Variants in MAP2K5 observed in about 807,000 individuals in gnomAD.
The protein encoded by MAP2K5 is mitogen-activated protein kinase kinase 5.
Under a neutral mutation model 83.1 loss-of-function variants are expected in MAP2K5, and 49 were observed. That is an observed-to-expected ratio of 0.59 (90% CI 0.47 to 0.75). The LOEUF is 0.75. Among genes scored for constraint, MAP2K5 ranks in the 30% least tolerant of loss-of-function variants. The probability of loss-of-function intolerance (pLI) is 0.00; values close to 1 mark genes in which losing one functional copy is unlikely to be tolerated. For synonymous variants in MAP2K5, 202 were observed against 191.8 expected (o/e 1.05, Z -0.44); for missense variants, 457 against 557.5 (o/e 0.82, Z 1.82).
rs1203496628 is a variant in MAP2K5, at chr15:67,768,482, G to A, written c.1135-1120G>A. Among the ~76,000 whole-genome samples, 4 of 152,182 alleles carry A rather than the reference G, an allele frequency of 2.6e-5. No homozygotes were observed. The highest frequency in any genetic ancestry group is 6.5e-5 in the Admixed American group (1 of 15,270). Reference sequence around the variant, plus strand: ...ATGCTCTGAGTTTCTTGCCTGCAGCGCTGGAAGGTTGTATGTAATGATATA... The same window carrying A: ...ATGCTCTGAGTTTCTTGCCTGCAGCACTGGAAGGTTGTATGTAATGATATA... On this transcript the variant is annotated intron_variant, in intron 19 of 21. Coordinates refer to ENST00000178640, the MANE Select transcript of MAP2K5 (RefSeq NM_145160.3). This position sits in a 1 kb window ranked among gnomAD's most constrained non-coding sequence, Gnocchi z 4.0.
intron 2 of MAP2K5, among the ~76,000 whole-genome samples, chr15:67,557,960 C>G (rs1156514153): frequency 6.6e-6 from 1 of 152,244 alleles, no homozygotes; most frequent in East Asian, 1.9e-4. Context: ...AATTATTTAA[C>G]ATGTAAGAGT....
chr15:67,619,073 C>G (rs1480404864), intron 8 of MAP2K5, among the ~76,000 whole-genome samples: 1 of 152,158 alleles, frequency 6.6e-6, no homozygotes, highest in East Asian at 1.9e-4. Flanking sequence ...CTTGCTTATT[C>G]TACTTCTGCA....
chr15:67,666,504 C>A (rs1461251064), intron 13 of MAP2K5, among the ~76,000 whole-genome samples: 1 of 152,146 alleles, frequency 6.6e-6, no homozygotes, highest in African/African-American at 2.4e-5. Context: ...CAGATTCTCA[C>A]TATAAACCAC....
At chr15:67,582,138 C>T (rs554688220) in intron 4 of MAP2K5, among the ~76,000 whole-genome samples, 3 of 150,952 alleles carry the variant, frequency 2.0e-5, no homozygotes, top group South Asian at 2.1e-4. Context: ...CTCAGCTCAC[C>T]GCAACCTCTG....
rs2084730665 is a variant in MAP2K5, at chr15:67,561,255, T to C, written c.185-2028T>C. On this transcript the variant is annotated intron_variant, in intron 2 of 21. Transcript: ENST00000178640. This position sits in a 1 kb window ranked among gnomAD's most constrained non-coding sequence, Gnocchi z 4.2. ...GTGATATGTAACATTACATCATTTG[T>C]ACTTTGTTTTTTCCTGTCTCCTGCA... 6.6e-6 allele frequency among the ~76,000 whole-genome samples: 1 copy of C among 152,196 alleles called. No homozygotes were observed. The highest frequency in any genetic ancestry group is 1.5e-5 in the Non-Finnish European group (1 of 68,040).
At chr15:67,571,520 A>G (rs1184928576) in intron 3 of MAP2K5, among the ~76,000 whole-genome samples, 1 of 151,788 alleles carries the variant, frequency 6.6e-6, no homozygotes, top group Non-Finnish European at 1.5e-5. Flanking sequence ...TTTCTGTGTC[A>G]CCCTATTGTT....
intron 6 of MAP2K5, among the ~76,000 whole-genome samples, chr15:67,590,468 T>TCTCTCTCTCTCTCTCTCTCTCTCTCTCC (rs59998974): frequency 7.3e-5 from 2 of 27,226 alleles, no homozygotes; most frequent in Non-Finnish European, 1.5e-4. Context: ...TCTCTCTCTC[T>TCTCTCTCTCTCTCTCTCTCTCTCTCTCC]CTCTCTCTTT....
chr15:67,634,764 A>G (rs80024617), intron 9 of MAP2K5, among the ~76,000 whole-genome samples: 1 of 147,380 alleles, frequency 6.8e-6, no homozygotes, highest in Admixed American at 6.8e-5. Flanking sequence ...TTAGCATGAT[A>G]TTTTTTTTTT....
intron 3 of MAP2K5, among the ~76,000 whole-genome samples, chr15:67,570,970 C>T (rs2583580): frequency 1 from 151,939 of 152,350 alleles, 75,768 homozygotes; most frequent in Middle Eastern, 1. Flanking sequence ...TCTCCTGTTA[C>T]AGATGTATGG....
intron 7 of MAP2K5, among the ~76,000 whole-genome samples, chr15:67,593,625 G>A (rs2085461588): frequency 6.6e-6 from 1 of 152,252 alleles, no homozygotes; most frequent in African/African-American, 2.4e-5. Context: ...TTCTTCAGTA[G>A]CAACATAAAT....
At position 67,790,008 on chromosome 15, in the gene MAP2K5, C is replaced by T. The variant is rs1249571187; in HGVS notation, c.1243-16638C>T. On this transcript the variant is annotated intron_variant, in intron 21 of 21. Coordinates refer to ENST00000178640, the MANE Select transcript of MAP2K5 (RefSeq NM_145160.3). The surrounding 1 kb of genome is among the most constrained non-coding windows in gnomAD (Gnocchi z 4.6). Reference sequence around the variant, plus strand: ...TACCAAGGTGCTATTTGCTCATGACCTTGTCAAGCAACATTGAGGTTGAAT... The same window carrying T: ...TACCAAGGTGCTATTTGCTCATGACTTTGTCAAGCAACATTGAGGTTGAAT... 6.6e-6 allele frequency among the ~76,000 whole-genome samples: 1 copy of T among 152,144 alleles called. No homozygotes were observed. The highest frequency in any genetic ancestry group is 1.9e-4 in the East Asian group (1 of 5,194).
At position 67,757,378 on chromosome 15, in the gene MAP2K5, C is replaced by G. The variant is rs1263368666; in HGVS notation, c.1134+8777C>G. On this transcript the variant is annotated intron_variant, in intron 19 of 21. Coordinates refer to ENST00000178640, the MANE Select transcript of MAP2K5 (RefSeq NM_145160.3). The surrounding 1 kb of genome is among the most constrained non-coding windows in gnomAD (Gnocchi z 4.9). ...CACACATTTCTAAAAGCCCTTGACC[C>G]CTTTATGTTGCTCAAAAACCCAACC... Among the ~76,000 whole-genome samples, 1 of 152,160 alleles carries G rather than the reference C, an allele frequency of 6.6e-6. No individual in the cohort carries two copies. Among genetic ancestry groups the G allele is most frequent in the African/African-American group, 2.4e-5 (1 of 41,438 alleles).
rs2088924772 is a variant in MAP2K5 at position 67,720,242 on chromosome 15, A to T, written c.1045-7674A>T. 6.6e-6 allele frequency among the ~76,000 whole-genome samples: 1 copy of T among 152,188 alleles called. No individual in the cohort carries two copies. Among genetic ancestry groups the T allele is most frequent in the Non-Finnish European group, 1.5e-5 (1 of 68,032 alleles). ...CAGATTAATATACACATACACAAAC[A>T]TAAACACACGCATATATATACACAC... On this transcript the variant is annotated intron_variant, in intron 16 of 21. Transcript: ENST00000178640. This position sits in a 1 kb window ranked among gnomAD's most constrained non-coding sequence, Gnocchi z 5.7.
chr15:67,558,321 T>C lies in MAP2K5; in HGVS notation c.185-4962T>C, dbSNP rs559012230. Among the ~76,000 whole-genome samples the C allele has an allele frequency of 3.9e-5, 6 of 152,302 alleles. No individual in the cohort carries two copies. In the South Asian group the frequency reaches 1.2e-3, roughly 32 times the overall value. On this transcript the variant is annotated intron_variant, in intron 2 of 21. Transcript: ENST00000178640. ...TTTCTATATCCCATTCATCAGCAAGTCCTGTTGGCTCTATCTTCAAATTTA... is the reference window on the plus strand; with the variant it reads ...TTTCTATATCCCATTCATCAGCAAGCCCTGTTGGCTCTATCTTCAAATTTA...
rs1292203945 is a variant in MAP2K5 at position 67,736,784 on chromosome 15, G to A, written c.1074+8839G>A. Among the ~76,000 whole-genome samples the A allele has an allele frequency of 2.0e-5, 3 of 152,180 alleles. No homozygotes were observed. Among genetic ancestry groups the A allele is most frequent in the Admixed American group, 6.5e-5 (1 of 15,278 alleles). The stretch of plus-strand genomic sequence containing the variant: ...TGGTGTTCAGTCTGGCTTTCATGTG[G>A]CAGCTTTGCTATTATCTCTCCCTCT... On this transcript the variant is annotated intron_variant, in intron 17 of 21. Transcript: ENST00000178640. The surrounding 1 kb of genome is among the most constrained non-coding windows in gnomAD (Gnocchi z 4.3).
In MAP2K5 at chr15:67,795,075, G is replaced by A. The variant is rs79075053; in HGVS notation, c.1243-11571G>A. Among the ~76,000 whole-genome samples, 1,405 of 152,202 alleles carry A rather than the reference G, an allele frequency of 9.2e-3. 24 individuals carry two copies. Among genetic ancestry groups the A allele is most frequent in the African/African-American group, 0.033 (1,359 of 41,506 alleles). Reference sequence around the variant, plus strand: ...CACTCCCTTTCTGCTGTTGTGAGTCGTCACTCTCAGCATTTTTCAAATGTT... The same window carrying A: ...CACTCCCTTTCTGCTGTTGTGAGTCATCACTCTCAGCATTTTTCAAATGTT... On this transcript the variant is annotated intron_variant, in intron 21 of 21. Transcript: ENST00000178640.
At chr15:67,763,450 T>C (rs1250134944) in intron 19 of MAP2K5, among the ~76,000 whole-genome samples, 1 of 152,196 alleles carries the variant, frequency 6.6e-6, no homozygotes, top group African/African-American at 2.4e-5. Flanking sequence ...AACATGTGAC[T>C]GCTTTTTTCT....
At chr15:67,631,605 GC>G (rs915421209) in intron 9 of MAP2K5, among the ~76,000 whole-genome samples, 7 of 152,124 alleles carry the variant, frequency 4.6e-5, no homozygotes, top group Admixed American at 4.6e-4. Flanking sequence ...ATAGAGTCAG[GC>G]TACACACAAC....
rs1251279570 is a variant in MAP2K5, at chr15:67,764,577, T to C, written c.1135-5025T>C. ...TCCCTCTGAACAATACACAAATTCT[T>C]TGAGGATATGGATTAAGTATCAGCC... On this transcript the variant is annotated intron_variant, in intron 19 of 21. Transcript: ENST00000178640. The surrounding 1 kb of genome is among the most constrained non-coding windows in gnomAD (Gnocchi z 4.9). Among the ~76,000 whole-genome samples, 1 of 152,188 alleles carries C rather than the reference T, an allele frequency of 6.6e-6. No homozygotes were observed. The highest frequency in any genetic ancestry group is 1.9e-4 in the East Asian group (1 of 5,198).
Sources: allele counts gnomAD v4.1 joint callset (sites outside exome capture counted in the v4.1 genomes callset), GRCh38; gene constraint gnomAD v4.1.1; non-coding constraint Gnocchi (gnomAD v3.1); transcripts MANE v1.5; gene names NCBI Gene and HGNC (gene_info 2026-07-23, HGNC 2026-07-21).